The following PSMA1 variants were observed in gnomAD, a reference collection of about 807,000 sequenced individuals.
PSMA1 encodes the protein proteasome subunit alpha type-1.
PSMA1 carries 3 observed loss-of-function variants against 38.4 expected under a neutral mutation model. The observed-to-expected ratio is 0.08, with a 90% confidence interval of 0.04 to 0.20. The LOEUF (loss-of-function observed/expected upper bound fraction) is 0.20. Among genes scored for constraint, PSMA1 ranks in the 10% least tolerant of loss-of-function variants. The probability of loss-of-function intolerance (pLI) is 1.00; values close to 1 mark genes in which losing one functional copy is unlikely to be tolerated. For synonymous variants in PSMA1, 101 were observed against 107.1 expected (o/e 0.94, Z 0.35); for missense variants, 227 against 325.3 (o/e 0.70, Z 2.32).
chr11:14,538,778 G>A (rs1035867191), intron 2 of PSMA1, among the ~76,000 whole-genome samples: 3 of 152,198 alleles, frequency 2.0e-5, no homozygotes, highest in Admixed American at 6.5e-5. Context: ...CAGACCATGC[G>A]GTCTGTCCTG....
chr11:14,519,690 G>A (rs1026682643), intron 1 of PSMA1, among the ~76,000 whole-genome samples: 2 of 152,166 alleles, frequency 1.3e-5, no homozygotes, highest in African/African-American at 4.8e-5. Context: ...AGTCATGGGA[G>A]TGAGATTGAG....
intron 2 of PSMA1, among the ~76,000 whole-genome samples, chr11:14,558,523 G>A (rs1851968265): frequency 6.6e-6 from 1 of 152,208 alleles, no homozygotes; most frequent in Non-Finnish European, 1.5e-5. Flanking sequence ...TGCTAAAGAG[G>A]AGCTGTAGTT....
At chr11:14,566,315 A>G (rs1589994286) in intron 2 of PSMA1, among the ~76,000 whole-genome samples, 1 of 152,220 alleles carries the variant, frequency 6.6e-6, no homozygotes, top group Admixed American at 6.5e-5. Flanking sequence ...AGTGGCTTGG[A>G]GCAGAGGGGT....
chr11:14,612,050 T>C (rs1852715351), intron 1 of PSMA1, among the ~76,000 whole-genome samples: 1 of 152,186 alleles, frequency 6.6e-6, no homozygotes, highest in Non-Finnish European at 1.5e-5. Flanking sequence ...TCTCTAAAGC[T>C]GAAAGGAAGT....
intron 8 of PSMA1, among the ~76,000 whole-genome samples, chr11:14,508,571 A>AAAAAAAAAAAAAAAAAAAAAAAAAAAAC (rs1190465759): frequency 6.7e-6 from 1 of 149,572 alleles, no homozygotes; most frequent in African/African-American, 2.4e-5. Flanking sequence ...CAAAAAAAAA[A>AAAAAAAAAAAAAAAAAAAAAAAAAAAAC]AAAAAACCCA....
At chr11:14,557,203 C>A (rs893378280) in intron 2 of PSMA1, among the ~76,000 whole-genome samples, 3 of 152,054 alleles carry the variant, frequency 2.0e-5, no homozygotes, top group Admixed American at 6.6e-5. Context: ...TCTTATCTTT[C>A]CTTTTTCTTC....
chr11:14,579,090 G>T (rs1852252583), intron 2 of PSMA1, among the ~76,000 whole-genome samples: 1 of 152,212 alleles, frequency 6.6e-6, no homozygotes, highest in Non-Finnish European at 1.5e-5. Flanking sequence ...TCTCTTAAAA[G>T]TAACTATTAG....
chr11:14,623,120 GA>G (rs1483861245), intron 1 of PSMA1, among the ~76,000 whole-genome samples: 1 of 152,208 alleles, frequency 6.6e-6, no homozygotes, highest in African/African-American at 2.4e-5. Flanking sequence ...TTACATCAAG[GA>G]TTGAGCCTGA....
chr11:14,507,324 C>T (rs1401082132), intron 9 of PSMA1, among the ~76,000 whole-genome samples: 3 of 152,044 alleles, frequency 2.0e-5, no homozygotes, highest in East Asian at 3.9e-4. Flanking sequence ...CATGCCATGA[C>T]GCCCAGCTAA....
At chr11:14,521,331 T>TAA (rs66563523), upstream of PSMA1, among the ~76,000 whole-genome samples, 78,553 of 129,800 alleles carry the variant, frequency 0.61, 23,379 homozygotes, top group East Asian at 0.65. Flanking sequence ...AGAATAAGAA[T>TAA]AATAAAAAAA....
At chr11:14,577,548 G>A (rs1448335319) in intron 2 of PSMA1, among the ~76,000 whole-genome samples, 2 of 152,066 alleles carry the variant, frequency 1.3e-5, no homozygotes, top group Non-Finnish European at 1.5e-5. Flanking sequence ...CCAACTTCCT[G>A]TCTCTCCAGA....
chr11:14,592,382 A>C (rs767989448), intron 2 of PSMA1, among the ~76,000 whole-genome samples: 6,834 of 121,924 alleles, frequency 0.056, 165 homozygotes, highest in African/African-American at 0.077. Context: ...CTCTCTATAT[A>C]TATATATATA....
At chr11:14,528,322 C>G (rs1367401685) in intron 2 of PSMA1, among the ~76,000 whole-genome samples, 3 of 152,058 alleles carry the variant, frequency 2.0e-5, no homozygotes, top group African/African-American at 7.2e-5. Context: ...TATTTTTCTC[C>G]TTCTTTTATT....
chr11:14,612,347 T>G (rs1277393117), intron 1 of PSMA1, among the ~76,000 whole-genome samples: 1 of 152,250 alleles, frequency 6.6e-6, no homozygotes, highest in African/African-American at 2.4e-5. Context: ...AATTGTAGTA[T>G]GTATTGATTC....
intron 7 of PSMA1, among the ~76,000 whole-genome samples, chr11:14,511,457 A>G (rs1851341406): frequency 6.6e-6 from 1 of 152,226 alleles, no homozygotes; most frequent in Non-Finnish European, 1.5e-5. Flanking sequence ...TAAAAAAATT[A>G]TATACCATAT....
At chr11:14,630,017 A>T (rs1447745836) in intron 1 of PSMA1, among the ~76,000 whole-genome samples, 1 of 151,874 alleles carries the variant, frequency 6.6e-6, no homozygotes, top group Admixed American at 6.6e-5. Context: ...TTGATTTTGT[A>T]TCCTGAGACT....
chr11:14,545,082 T>C (rs1851811851), intron 2 of PSMA1, among the ~76,000 whole-genome samples: 1 of 152,214 alleles, frequency 6.6e-6, no homozygotes, highest in Non-Finnish European at 1.5e-5. Context: ...TAAAAAATGC[T>C]GTAAACTTAG....
chr11:14,624,247 G>A (rs1240404023), intron 1 of PSMA1, among the ~76,000 whole-genome samples: 1 of 152,204 alleles, frequency 6.6e-6, no homozygotes, highest in East Asian at 1.9e-4. Flanking sequence ...GCAGAGAGAA[G>A]CTCAGGATTA....
chr11:14,622,554 T>C (rs1852860385), intron 1 of PSMA1, among the ~76,000 whole-genome samples: 1 of 152,220 alleles, frequency 6.6e-6, no homozygotes, highest in African/African-American at 2.4e-5. Context: ...CAATGAAGTG[T>C]TTTAGGAATG....
Sources: gnomAD v4.1 joint callset for allele counts (sites outside exome capture counted in the v4.1 genomes callset) on GRCh38, gnomAD v4.1.1 for gene constraint, MANE v1.5 for transcripts, NCBI Gene and HGNC (gene_info 2026-07-23, HGNC 2026-07-21) for gene names.